The following ZNF560 variants were observed in gnomAD, a reference collection of about 807,000 sequenced individuals.
ZNF560 encodes the protein zinc finger protein 560.
Under a neutral mutation model 81.8 loss-of-function variants are expected in ZNF560, and 54 were observed. That is an observed-to-expected ratio of 0.66 (90% CI 0.53 to 0.83). The LOEUF (loss-of-function observed/expected upper bound fraction) is 0.83, where lower values mean the gene tolerates loss of function less well. Among genes scored for constraint, ZNF560 ranks in the 40% least tolerant of loss-of-function variants. ZNF560 has a pLI of 0.00. For missense variants in ZNF560, 940 were observed against 932.4 expected, an observed-to-expected ratio of 1.01 and a Z score of -0.11; for synonymous variants, 321 against 317.9, an observed-to-expected ratio of 1.01 and a Z score of -0.10.
the ZNF560 span, among the ~76,000 whole-genome samples, chr19:9,459,983 G>A: frequency 1.4e-4 from 21 of 145,880 alleles, no homozygotes; most frequent in East Asian, 3.9e-4. Flanking sequence ...CCCTTCTACC[G>A]ACACAGAAAG....
At chr19:9,452,259 A>G in the ZNF560 span, among the ~76,000 whole-genome samples, 18 of 152,224 alleles carry the variant, frequency 1.2e-4, no homozygotes, top group Non-Finnish European at 2.4e-4. Context: ...TTAAAAGTCA[A>G]AAAACATGTT....
chr19:9,446,819 C>G, the ZNF560 span, among the ~76,000 whole-genome samples: 1 of 151,992 alleles, frequency 6.6e-6, no homozygotes, highest in Non-Finnish European at 1.5e-5. Context: ...AGATGAGTCC[C>G]TTCAAAGGGG....
chr19:9,498,974 G>T (rs968063370), upstream of ZNF560, among the ~76,000 whole-genome samples: 3 of 152,190 alleles, frequency 2.0e-5, no homozygotes, highest in Non-Finnish European at 4.4e-5. Flanking sequence ...CCCCTTTCAG[G>T]ATTCTCTCCA....
chr19:9,494,130 CAAAAAAA>C (rs891546578), intron 2 of ZNF560, among the ~76,000 whole-genome samples: 1 of 67,218 alleles, frequency 1.5e-5, no homozygotes, highest in African/African-American at 4.8e-5. Flanking sequence ...GACTCCATCT[CAAAAAAA>C]AAAAAAAAAA....
In ZNF560 at chr19:9,470,508, G is replaced by A. The variant is rs1487605494; in HGVS notation, c.332C>T (p.Thr111Ile). ...TSNGIQMDLV[T>I]FDSVAVEFTQ... ...GAACTCCACAGCCACACTGTCAAAG[G>A]TTACCAGGTCCTAAACCATCAGACA... Residue 111 changes from threonine (T) to isoleucine (I), a missense_variant, in exon 7 of 10, where the codon ACC becomes ATC. Transcript: ENST00000301480. The A allele has an allele frequency of 6.2e-7, 1 of 1,614,088 alleles. No individual in the cohort carries two copies. The highest frequency in any genetic ancestry group is 1.1e-5 in the South Asian group (1 of 91,078).
downstream of ZNF560, among the ~76,000 whole-genome samples, chr19:9,464,553 T>A (rs1208891571): frequency 6.6e-6 from 1 of 152,184 alleles, no homozygotes; most frequent in African/African-American, 2.4e-5. Flanking sequence ...AAGATCAGGT[T>A]TGAAAAGAGG....
At chr19:9,469,786 A>G in intron 7 of ZNF560, 76 bp from the exon 8 acceptor site, 1 of 1,250,746 alleles carries the variant, frequency 8.0e-7, no homozygotes, top group Non-Finnish European at 1.2e-6. Flanking sequence ...AACAGGGACT[A>G]CGTTTCTAAT....
chr19:9,453,205 G>A, the ZNF560 span, among the ~76,000 whole-genome samples: 2 of 152,148 alleles, frequency 1.3e-5, no homozygotes, highest in Non-Finnish European at 2.9e-5. Flanking sequence ...TGAGAAAGCA[G>A]CACTCTACAA....
chr19:9,469,220 T>C lies in ZNF560; in HGVS notation c.530-33A>G, dbSNP rs2073084798. 1.7e-5 allele frequency: 25 copies of C among 1,470,184 alleles called. No individual in the cohort carries two copies. The East Asian group carries it at 5.8e-4, about 34-fold the overall frequency. 91.1% of individuals were successfully genotyped at this position (1,470,184 alleles called of 1,614,324 possible). ...AAAAGAGAAAAATATACATGAGAGT[T>C]TACACATGAAATGGTAGGTTAAATA... On this transcript the variant is annotated intron_variant, in intron 8 of 9. Transcript: ENST00000301480.
At chr19:9,491,619 G>A (rs2073474472) in intron 2 of ZNF560, among the ~76,000 whole-genome samples, 1 of 151,930 alleles carries the variant, frequency 6.6e-6, no homozygotes, top group Non-Finnish European at 1.5e-5. Context: ...GAGGTCAGGA[G>A]ATTGAGACTA....
intron 2 of ZNF560, among the ~76,000 whole-genome samples, chr19:9,489,959 T>G (rs1180552534): frequency 6.6e-6 from 1 of 152,196 alleles, no homozygotes; most frequent in Non-Finnish European, 1.5e-5. Flanking sequence ...ATTTTGAATT[T>G]TACATATTAG....
At chr19:9,502,147 T>C (rs2073638078), upstream of ZNF560, among the ~76,000 whole-genome samples, 1 of 150,704 alleles carries the variant, frequency 6.6e-6, no homozygotes, top group South Asian at 2.1e-4. Context: ...GAGCAAGATC[T>C]CATCTCAAAA....
chr19:9,499,331 G>A (rs2073611616), upstream of ZNF560, among the ~76,000 whole-genome samples: 1 of 151,758 alleles, frequency 6.6e-6, no homozygotes, highest in Admixed American at 6.6e-5. Context: ...CACCGCACCC[G>A]GCTAATTTTT....
At chr19:9,503,477 T>C (rs768111195), upstream of ZNF560, among the ~76,000 whole-genome samples, 1 of 152,202 alleles carries the variant, frequency 6.6e-6, no homozygotes, top group African/African-American at 2.4e-5. Context: ...TCTCACTGTG[T>C]CTTCACATAG....
the ZNF560 span, among the ~76,000 whole-genome samples, chr19:9,446,798 C>G: frequency 1.3e-5 from 2 of 151,948 alleles, no homozygotes; most frequent in Non-Finnish European, 2.9e-5. Context: ...AGATATTCAC[C>G]TGACAAAATT....
chr19:9,473,084 A>T (rs748703690), intron 5 of ZNF560, 95 bp downstream of exon 5: 1 of 948,382 alleles, frequency 1.1e-6, no homozygotes, highest in Non-Finnish European at 1.7e-6. Flanking sequence ...ACCCAGTCTC[A>T]GGTATTTCTT....
chr19:9,448,227 GC>G, the ZNF560 span, among the ~76,000 whole-genome samples: 223 of 151,040 alleles, frequency 1.5e-3, 1 homozygote, highest in African/African-American at 4.9e-3. Context: ...TGTGCGTGTG[GC>G]GGGGGGTTTG....
chr19:9,490,276 C>T (rs28607629), intron 2 of ZNF560, among the ~76,000 whole-genome samples: 22,920 of 152,206 alleles, frequency 0.15, 2,589 homozygotes, highest in African/African-American at 0.31. Flanking sequence ...GTTAAGACTA[C>T]AGGAGATAAC....
intron 7 of ZNF560, 114 bp downstream of exon 7, chr19:9,470,278 A>AGT: frequency 7.1e-7 from 1 of 1,410,600 alleles, no homozygotes; most frequent in African/African-American, 1.4e-5. Flanking sequence ...ATTTTTTTTC[A>AGT]GTGTGTATAT....
Sources: allele counts gnomAD v4.1 joint callset (sites outside exome capture counted in the v4.1 genomes callset), GRCh38; gene constraint gnomAD v4.1.1; transcripts MANE v1.5; gene names NCBI Gene and HGNC (gene_info 2026-07-23, HGNC 2026-07-21).